The following STX7 variants were observed in gnomAD, a reference collection of about 807,000 sequenced individuals.
STX7 encodes syntaxin-7.
STX7 carries 34 observed loss-of-function variants against 39.6 expected under a neutral mutation model. The ratio of observed to expected loss-of-function variants is 0.86; its 90% CI spans 0.65 to 1.14. The LOEUF (loss-of-function observed/expected upper bound fraction) is 1.14, where lower values mean the gene tolerates loss of function less well. STX7 is among the 50% of genes most tolerant of loss of function. The pLI is 0.00. For synonymous variants in STX7, 119 were observed against 99.1 expected (o/e 1.20, Z -1.19); for missense variants, 284 against 310.4 (o/e 0.92, Z 0.64).
chr6:132,493,238 T>G (rs554476047), intron 2 of STX7, among the ~76,000 whole-genome samples: 25 of 152,354 alleles, frequency 1.6e-4, no homozygotes. Context: ...ATATCTTGTA[T>G]GACTTCTAGT....
chr6:132,475,934 G>C (rs1774863661), intron 2 of STX7, among the ~76,000 whole-genome samples: 1 of 151,970 alleles, frequency 6.6e-6, no homozygotes, highest in South Asian at 2.1e-4. Context: ...TATCCCATCA[G>C]GATATTATTA....
intron 3 of STX7, 86 bp from the exon 4 acceptor site, chr6:132,472,461 A>G (rs1356011955): frequency 3.0e-6 from 3 of 1,007,660 alleles, no homozygotes; most frequent in Non-Finnish European, 4.2e-6. Context: ...ACACTGATAA[A>G]CAGTTGTACA....
chr6:132,494,614 G>A (rs1775377237), intron 2 of STX7, among the ~76,000 whole-genome samples: 1 of 152,132 alleles, frequency 6.6e-6, no homozygotes, highest in Non-Finnish European at 1.5e-5. Flanking sequence ...CCTGAGGTGA[G>A]GATGAGCTGA....
chr6:132,506,195 A>G (rs2114481492), intron 1 of STX7, among the ~76,000 whole-genome samples: 1 of 152,288 alleles, frequency 6.6e-6, no homozygotes. Context: ...TAGGAAAAGA[A>G]TTTATGACTA....
intron 2 of STX7, among the ~76,000 whole-genome samples, chr6:132,493,444 G>T (rs920117757): frequency 3.2e-4 from 49 of 152,170 alleles, no homozygotes; most frequent in African/African-American, 9.4e-4. Flanking sequence ...TCATGAGGGT[G>T]GTCATTCCTG....
rs564716002 is a variant in STX7 at position 132,490,322 on chromosome 6, CA to C, written c.85+13123del. On this transcript the variant is annotated intron_variant, in intron 2 of 9. Coordinates refer to ENST00000367941, the MANE Select transcript of STX7 (RefSeq NM_003569.3). ...CCTCTAGTTTACAGGCAGTGATTCC[CA>C]AACCTTTTACTTCAGTCATTTCTGA... Among the ~76,000 whole-genome samples, 9 of 152,266 alleles carry C rather than the reference CA, an allele frequency of 5.9e-5. No individual in the cohort carries two copies. In the South Asian group the frequency reaches 1.9e-3, roughly 32 times the overall value.
intron 2 of STX7, among the ~76,000 whole-genome samples, chr6:132,496,617 T>C (rs1206705857): frequency 6.6e-6 from 1 of 152,160 alleles, no homozygotes; most frequent in African/African-American, 2.4e-5. Context: ...TTGTACCTGT[T>C]AGAAGAGTTT....
intron 2 of STX7, among the ~76,000 whole-genome samples, chr6:132,493,408 G>A (rs1347374049): frequency 2.6e-5 from 4 of 152,168 alleles, no homozygotes; most frequent in African/African-American, 9.7e-5. Context: ...CATGTTGTGA[G>A]AGGGACCCAG....
intron 1 of STX7, among the ~76,000 whole-genome samples, chr6:132,509,563 G>A (rs535201324): frequency 2.6e-5 from 4 of 152,000 alleles, no homozygotes; most frequent in Non-Finnish European, 5.9e-5. Context: ...TTTTCTGCAT[G>A]CCCCATATGA....
Position 132,460,619 on chromosome 6 carries a change from AC to A in STX7, c.*138del, listed in dbSNP as rs1398024793. On this transcript the variant is annotated 3_prime_UTR_variant, in exon 10 of 10. Coordinates refer to ENST00000367941, the MANE Select transcript of STX7 (RefSeq NM_003569.3). Reference sequence around the variant, plus strand: ...GATTTAATCCAAAGGAACCACCCCAACCCCCCCAATAAAAATAACAAAGTAT... The same window carrying A: ...GATTTAATCCAAAGGAACCACCCCAACCCCCCAATAAAAATAACAAAGTAT... 11 of 581,462 alleles carry A rather than the reference AC, an allele frequency of 1.9e-5. No homozygotes were observed. Among genetic ancestry groups the A allele is most frequent in the South Asian group, 9.1e-5 (3 of 33,000 alleles). The allele number at this position is 581,462 out of a possible 1,614,324, so 36.0% of individuals were successfully genotyped here. A position where few individuals can be genotyped will look rare whatever the true frequency, so the allele number is the denominator to read the frequency against.
At position 132,449,029 on chromosome 6, in the gene STX7, T is replaced by C. The variant is rs1272706487; in HGVS notation, c.*11729A>G. The C allele has an allele frequency of 6.6e-6, 1 of 151,906 alleles. No homozygotes were observed. The allele number at this position is 151,906 out of a possible 1,614,324, so 9.4% of individuals were successfully genotyped here. A position where few individuals can be genotyped will look rare whatever the true frequency, so the allele number is the denominator to read the frequency against. On this transcript the variant is annotated 3_prime_UTR_variant, in exon 10 of 10. Coordinates refer to ENST00000367941, the MANE Select transcript of STX7 (RefSeq NM_003569.3). Reference sequence around the variant, plus strand: ...TATATGTGGATCCACTTTTTTTTTTTTTAGACAGGGTACAGTGGCACCATC... The same window carrying C: ...TATATGTGGATCCACTTTTTTTTTTCTTAGACAGGGTACAGTGGCACCATC...
chr6:132,506,694 T>A (rs1775713483), intron 1 of STX7, among the ~76,000 whole-genome samples: 2 of 152,020 alleles, frequency 1.3e-5, no homozygotes, highest in Non-Finnish European at 2.9e-5. Context: ...GGTGAGACTG[T>A]AAAGTAGTAC....
intron 1 of STX7, among the ~76,000 whole-genome samples, chr6:132,505,963 T>C (rs1775697069): frequency 6.6e-6 from 1 of 151,938 alleles, no homozygotes; most frequent in South Asian, 2.1e-4. Flanking sequence ...TTGATCTTTT[T>C]GACAAAGTTG....
chr6:132,481,891 A>G (rs944093546), intron 2 of STX7, among the ~76,000 whole-genome samples: 33 of 152,242 alleles, frequency 2.2e-4, no homozygotes, highest in African/African-American at 8.0e-4. Flanking sequence ...TAATGGTTTG[A>G]AGGGTAAGAA....
At chr6:132,463,056 T>C (rs1774451777) in intron 9 of STX7, among the ~76,000 whole-genome samples, 2 of 151,866 alleles carry the variant, frequency 1.3e-5, no homozygotes, top group South Asian at 2.1e-4. Context: ...ACTCTATCTC[T>C]ACAAAAAATA....
At chr6:132,494,483 G>C (rs1281281919) in intron 2 of STX7, among the ~76,000 whole-genome samples, 2 of 152,166 alleles carry the variant, frequency 1.3e-5, no homozygotes, top group African/African-American at 4.8e-5. Flanking sequence ...AAAATGATAA[G>C]GCAGGGAAGA....
intron 1 of STX7, among the ~76,000 whole-genome samples, chr6:132,504,823 A>G (rs1775658052): frequency 6.6e-6 from 1 of 152,272 alleles, no homozygotes; most frequent in African/African-American, 2.4e-5. Flanking sequence ...TCTGGAAAGA[A>G]TTTATGAAAT....
chr6:132,467,303 C>T (rs1774587693), intron 8 of STX7, among the ~76,000 whole-genome samples: 1 of 152,152 alleles, frequency 6.6e-6, no homozygotes, highest in East Asian at 1.9e-4. Context: ...GGAACACTTT[C>T]TCTTACTTGC....
chr6:132,493,837 T>C (rs985492363), intron 2 of STX7, among the ~76,000 whole-genome samples: 2 of 152,182 alleles, frequency 1.3e-5, no homozygotes, highest in Admixed American at 1.3e-4. Flanking sequence ...CGATTCCTAC[T>C]TCAGCACCAA....
Sources: gnomAD v4.1 joint callset for allele counts (sites outside exome capture counted in the v4.1 genomes callset) on GRCh38, gnomAD v4.1.1 for gene constraint, MANE v1.5 for transcripts, NCBI Gene and HGNC (gene_info 2026-07-23, HGNC 2026-07-21) for gene names.